Variants in PLK1 observed in about 807,000 individuals in gnomAD.
The protein encoded by PLK1 is polo like kinase 1, also known as serine/threonine-protein kinase PLK1.
A neutral mutation model predicts 56.7 loss-of-function variants in PLK1; 6 were observed. That is an observed-to-expected ratio of 0.11 (90% CI 0.06 to 0.21). The LOEUF is 0.21. Among genes scored for constraint, PLK1 ranks in the 10% least tolerant of loss-of-function variants. The pLI is 1.00. For missense variants in PLK1, 546 were observed against 814.4 expected, an observed-to-expected ratio of 0.67 and a Z score of 4.01; for synonymous variants, 298 against 325.0, an observed-to-expected ratio of 0.92 and a Z score of 0.89.
At position 23,690,035 on chromosome 16, in the gene PLK1, C is replaced by T. The variant is rs34001032; in HGVS notation, c.1784C>T (p.Ser595Leu). Reference protein sequence around the residue: ...TMVDKLLSSRSASNRLKAS With the variant: ...TMVDKLLSSRLASNRLKAS ...GTGGACAAGCTGCTGAGCTCACGCT[C>T]GGCCAGCAACCGTCTCAAGGCCTCC... Residue 595 changes from serine to leucine, a missense_variant, in exon 10 of 10, where the codon TCG becomes TTG. Ser to Leu is a moderately radical substitution (Grantham distance 145). Around this residue, in one of 7 missense-constraint regions of PLK1, gnomAD observed 72 missense variants for 77.9 expected, o/e 0.92. Transcript: ENST00000300093. 9.1e-5 allele frequency: 147 copies of T among 1,611,776 alleles called. No homozygotes were observed. The highest frequency in any genetic ancestry group is 2.2e-4 in the South Asian group (20 of 91,070).
rs1421742211 is a variant in PLK1, at chr16:23,679,295, G to A, written c.363G>A (p.Glu121=). 1 of 1,613,870 alleles carries A rather than the reference G, an allele frequency of 6.2e-7. No individual in the cohort carries two copies. The highest frequency in any genetic ancestry group is 1.7e-5 in the Admixed American group (1 of 60,012). ...TCGTAGGATTCCACGGCTTTTTCGA[G>A]GACAACGACTTCGTGTTCGTGGTGT... is the stretch of plus-strand genomic sequence containing the variant. The part of the protein sequence containing the change: ...QHVVGFHGFF[E]DNDFVFVVLE... The change falls in exon 1 of 10, where the codon GAG becomes GAA. Residue 121 remains glutamate (E), a synonymous_variant. Transcript: ENST00000300093.
rs1476814206 is a variant in PLK1 at position 23,680,697 on chromosome 16, C to T, written c.578-217C>T. Among the ~76,000 whole-genome samples the T allele has an allele frequency of 3.3e-5, 5 of 152,172 alleles. No homozygotes were observed. The East Asian group carries it at 9.6e-4, about 29-fold the overall frequency. The stretch of plus-strand genomic sequence containing the variant: ...TCAGTTCCTGTTTCAAAGCATAGCC[C>T]CTTTCTAAAAGGAGGGGTGAGAAGT... On this transcript the variant is annotated intron_variant, in intron 2 of 9. Transcript: ENST00000300093.
At position 23,689,488 on chromosome 16, in the gene PLK1, A is replaced by T. The variant is rs145713518; in HGVS notation, c.1426-6A>T. The T allele has an allele frequency of 6.8e-6, 11 of 1,606,054 alleles. No individual in the cohort carries two copies. In the East Asian group the frequency reaches 2.5e-4, roughly 36 times the overall value. The stretch of plus-strand genomic sequence containing the variant: ...TTCTGGAACCCCTTACCTACTTTTC[A>T]TCCAGATCACCCTCCTTAAATATTT... On this transcript the variant is annotated splice_polypyrimidine_tract_variant and splice_region_variant and intron_variant, in intron 8 of 9. Coordinates refer to ENST00000300093, the MANE Select transcript of PLK1 (RefSeq NM_005030.6). The surrounding 1 kb of genome is among the most constrained non-coding windows in gnomAD (Gnocchi z 4.8).
intron 5 of PLK1, among the ~76,000 whole-genome samples, chr16:23,686,092 G>A (rs1177914379): frequency 6.6e-6 from 1 of 152,092 alleles, no homozygotes; most frequent in Non-Finnish European, 1.5e-5. Context: ...GGGCTGGAGT[G>A]CAGTGGCACA....
intron 4 of PLK1, 30 bp downstream of exon 4, chr16:23,682,187 AT>A (rs772988452): frequency 4.7e-5 from 59 of 1,254,364 alleles, no homozygotes; most frequent in Admixed American, 8.5e-5. Context: ...GTTTACATTT[AT>A]TTTGTTTTCC....
intron 5 of PLK1, among the ~76,000 whole-genome samples, chr16:23,685,243 C>T (rs58841472): frequency 0.11 from 17,364 of 151,508 alleles, 1,193 homozygotes; most frequent in East Asian, 0.26. Flanking sequence ...CAAAAAACTC[C>T]CCAGAGTTCC....
chr16:23,687,475 A>C lies in PLK1; in HGVS notation c.1043A>C (p.Glu348Ala). The change falls in exon 6 of 10, where the codon GAG (glutamate) becomes GCG (alanine). Residue 348 changes from glutamate (E) to alanine (A), a missense_variant. Physicochemically the swap from Glu to Ala is moderately radical, Grantham distance 107. This residue lies in a region of PLK1 where 157 missense variants were observed against 184.0 expected (regional missense o/e 0.85). Coordinates refer to ENST00000300093, the MANE Select transcript of PLK1 (RefSeq NM_005030.6). ...KPLTVLNKGL[E>A]NPLPERPREK... ...GTTTTTGTCACCTTCCTAGGCTTGG[A>C]GAACCCCCTGCCTGAGCGTCCCCGG... 1 of 1,574,142 alleles carries C rather than the reference A, an allele frequency of 6.4e-7. No individual in the cohort carries two copies. Among genetic ancestry groups the C allele is most frequent in the South Asian group, 1.1e-5 (1 of 87,152 alleles).
intron 5 of PLK1, among the ~76,000 whole-genome samples, chr16:23,686,167 T>A (rs528839867): frequency 3.9e-5 from 6 of 152,258 alleles, no homozygotes; most frequent in African/African-American, 9.6e-5. Flanking sequence ...GCCTCCCAAG[T>A]AGTTGAGACT....
rs914374826 is a variant in PLK1, at chr16:23,689,581, C to T, written c.1513C>T (p.Leu505Phe). 32 of 1,613,490 alleles carry T rather than the reference C, an allele frequency of 2.0e-5. No homozygotes were observed. Among genetic ancestry groups the T allele is most frequent in the Non-Finnish European group, 2.7e-5 (32 of 1,179,952 alleles). Residue 505 changes from leucine to phenylalanine, a missense_variant, in exon 9 of 10, where the codon CTC becomes TTC. Coordinates refer to ENST00000300093, the MANE Select transcript of PLK1 (RefSeq NM_005030.6). This position sits in a 1 kb window ranked among gnomAD's most constrained non-coding sequence, Gnocchi z 4.8. ...ANITPREGDE[L>F]ARLPYLRTWF... is the part of the protein sequence containing the mutation. ...CATCACGCCGCGCGAAGGTGATGAG[C>T]TCGCCCGGCTGCCCTACCTACGGAC... is the stretch of plus-strand genomic sequence containing the variant.
intron 5 of PLK1, 32 bp downstream of exon 5, chr16:23,684,121 C>A (rs752558012): frequency 4.5e-6 from 7 of 1,561,708 alleles, no homozygotes; most frequent in South Asian, 1.1e-5. Flanking sequence ...GAGAGCAGAC[C>A]CCCCAGAGAA....
chr16:23,682,291 G>A, intron 4 of PLK1, 134 bp downstream of exon 4: 2 of 594,032 alleles, frequency 3.4e-6, no homozygotes, highest in Admixed American at 3.1e-5. Flanking sequence ...GAGGGCCTGT[G>A]TCTGAAATTG....
At position 23,690,046 on chromosome 16, in the gene PLK1, C is replaced by T. The variant is rs775440787; in HGVS notation, c.1795C>T (p.Arg599Cys). Residue 599 changes from arginine to cysteine, a missense_variant, in exon 10 of 10, where the codon CGT becomes TGT. By Grantham distance (180) the Arg-to-Cys change is radical. Coordinates refer to ENST00000300093, the MANE Select transcript of PLK1 (RefSeq NM_005030.6). ...GCTGAGCTCACGCTCGGCCAGCAACCGTCTCAAGGCCTCCTAATAGCTGCC... is the reference window on the plus strand; with the variant it reads ...GCTGAGCTCACGCTCGGCCAGCAACTGTCTCAAGGCCTCCTAATAGCTGCC... ...KLLSSRSASNRLKAS is the reference protein window; with the variant it reads ...KLLSSRSASNCLKAS 30 of 1,610,220 alleles carry T rather than the reference C, an allele frequency of 1.9e-5. No individual in the cohort carries two copies. The highest frequency in any genetic ancestry group is 2.7e-5 in the African/African-American group (2 of 74,922).
At chr16:23,682,721 G>A (rs897156877) in intron 4 of PLK1, among the ~76,000 whole-genome samples, 4 of 146,870 alleles carry the variant, frequency 2.7e-5, no homozygotes, top group East Asian at 2.0e-4. Context: ...TAGTAGAGAC[G>A]GGGTTTCACC....
At chr16:23,687,263 G>T (rs1959443089) in intron 5 of PLK1, 2 of 379,846 alleles carry the variant, frequency 5.3e-6, no homozygotes, top group South Asian at 6.4e-5. Flanking sequence ...TGGGTCAGAG[G>T]CCACGGCTTC....
intron 5 of PLK1, among the ~76,000 whole-genome samples, chr16:23,684,674 T>G (rs1003343378): frequency 2.6e-5 from 4 of 152,166 alleles, no homozygotes; most frequent in Non-Finnish European, 5.9e-5. Flanking sequence ...CTAACACTTT[T>G]TCATGATTCA....
chr16:23,686,184 A>G (rs972249148), intron 5 of PLK1, among the ~76,000 whole-genome samples: 2 of 151,928 alleles, frequency 1.3e-5, no homozygotes, highest in South Asian at 4.2e-4. Context: ...GACTTTAGGC[A>G]TGTGCCACCG....
chr16:23,684,164 C>T, intron 5 of PLK1, 75 bp downstream of exon 5: 4 of 1,178,196 alleles, frequency 3.4e-6, no homozygotes, highest in African/African-American at 1.5e-5. Flanking sequence ...GCAGCTTAGT[C>T]CCTGGCCCTG....
At position 23,690,259 on chromosome 16, in the gene PLK1, T is replaced by A; in HGVS notation, c.*196T>A. On this transcript the variant is annotated 3_prime_UTR_variant, in exon 10 of 10. Coordinates refer to ENST00000300093, the MANE Select transcript of PLK1 (RefSeq NM_005030.6). ...ATGTTCGGGTGTGGGTTCTACAGCC[T>A]TGTCCCCCTCCCCCTCAACCCCACC... 2 of 603,998 alleles carry A rather than the reference T, an allele frequency of 3.3e-6. No homozygotes were observed. The highest frequency in any genetic ancestry group is 5.9e-6 in the Non-Finnish European group (2 of 336,816). The allele number at this position is 603,998 out of a possible 1,614,324, so 37.4% of individuals were successfully genotyped here. A position where few individuals can be genotyped will look rare whatever the true frequency, so the allele number is the denominator to read the frequency against.
rs144345761 is a variant in PLK1, at chr16:23,683,463, C to CA, written c.817-406dup. Among the ~76,000 whole-genome samples, 241 of 152,270 alleles carry CA rather than the reference C, an allele frequency of 1.6e-3. 2 individuals are homozygous for CA. The East Asian group carries it at 0.036, about 23-fold the overall frequency. ...CCATCACAAAGTGTCAGTTCACTGT[C>CA]AGAGACAGCATGGAATCAAGCCAGC... On this transcript the variant is annotated intron_variant, in intron 4 of 9. Transcript: ENST00000300093.
Sources: allele counts gnomAD v4.1 joint callset (sites outside exome capture counted in the v4.1 genomes callset), GRCh38; gene constraint gnomAD v4.1.1; regional missense constraint gnomAD v4.1.1; non-coding constraint Gnocchi (gnomAD v3.1); transcripts MANE v1.5; gene names NCBI Gene and HGNC (gene_info 2026-07-23, HGNC 2026-07-21).